Variants in GRIP1 observed in about 807,000 individuals in gnomAD.
The protein encoded by GRIP1 is glutamate receptor interacting protein 1.
Under a neutral mutation model 129.9 loss-of-function variants are expected in GRIP1, and 45 were observed. The observed-to-expected ratio is 0.35, with a 90% CI of 0.27 to 0.44. The LOEUF is 0.44. Ranked by LOEUF, GRIP1 falls within the 20% of genes least tolerant of loss-of-function variation. The pLI is 1.00. For synonymous variants in GRIP1, 530 were observed against 520.8 expected (o/e 1.02, Z -0.24); for missense variants, 1,196 against 1,396.8 (o/e 0.86, Z 2.29).
At chr12:66,598,307 G>A (rs1457003596) in intron 1 of GRIP1, among the ~76,000 whole-genome samples, 1 of 152,166 alleles carries the variant, frequency 6.6e-6, no homozygotes, top group African/African-American at 2.4e-5. Context: ...TAACACTGCT[G>A]TAAGTGGCAA....
intron 1 of GRIP1, among the ~76,000 whole-genome samples, chr12:66,817,233 CACACACACACAT>C (rs1223176222): frequency 2.5e-4 from 37 of 146,820 alleles, no homozygotes; most frequent in African/African-American, 8.1e-4. Context: ...CACACACACA[CACACACACACAT>C]ATATATTTCC....
chr12:66,550,758 A>G (rs1341841438), intron 2 of GRIP1, among the ~76,000 whole-genome samples: 6 of 152,214 alleles, frequency 3.9e-5, no homozygotes, highest in African/African-American at 1.4e-4. Flanking sequence ...ATTCCTACAC[A>G]ATCATCTGAT....
chr12:66,799,119 T>C (rs917571112), intron 1 of GRIP1, among the ~76,000 whole-genome samples: 22 of 152,152 alleles, frequency 1.4e-4, no homozygotes, highest in Admixed American at 1.4e-3. Flanking sequence ...TCTAAAAATA[T>C]ACTCAGGTTG....
intron 1 of GRIP1, among the ~76,000 whole-genome samples, chr12:66,715,471 T>TGTGTGTGTGTGTGTGTGAGAGAGAGA (rs761155485): frequency 3.6e-5 from 4 of 110,138 alleles, no homozygotes; most frequent in African/African-American, 1.4e-4. Flanking sequence ...TGTGTGTGTG[T>TGTGTGTGTGTGTGTGTGAGAGAGAGA]GAGAGAGAGA....
intron 2 of GRIP1, among the ~76,000 whole-genome samples, chr12:66,545,688 A>G (rs1403277350): frequency 1.3e-5 from 2 of 152,222 alleles, no homozygotes; most frequent in African/African-American, 2.4e-5. Context: ...GAGATACAAC[A>G]CTGAACAAAA....
At chr12:66,871,729 T>C (rs529183711) in intron 1 of GRIP1, among the ~76,000 whole-genome samples, 28 of 152,228 alleles carry the variant, frequency 1.8e-4, no homozygotes, top group African/African-American at 6.7e-4. Context: ...ATTTATTTCA[T>C]CTCTTCTGAT....
At chr12:66,758,383 C>G (rs892649739) in intron 1 of GRIP1, among the ~76,000 whole-genome samples, 31 of 151,610 alleles carry the variant, frequency 2.0e-4, no homozygotes, top group Admixed American at 1.1e-3. Flanking sequence ...TCAATTACCC[C>G]CACCCCCGGT....
At chr12:66,483,587 T>C (rs2059867271) in intron 7 of GRIP1, among the ~76,000 whole-genome samples, 1 of 152,212 alleles carries the variant, frequency 6.6e-6, no homozygotes, top group Admixed American at 6.5e-5. Flanking sequence ...ACCCTGGTAA[T>C]TGCATTAATT....
At chr12:66,503,309 T>C (rs2060440963) in intron 7 of GRIP1, among the ~76,000 whole-genome samples, 1 of 152,042 alleles carries the variant, frequency 6.6e-6, no homozygotes, top group African/African-American at 2.4e-5. Context: ...AACCTTCAGA[T>C]GGGCATGCAT....
chr12:66,928,284 G>C (rs1283906964), intron 1 of GRIP1, among the ~76,000 whole-genome samples: 2 of 152,192 alleles, frequency 1.3e-5, no homozygotes, highest in African/African-American at 4.8e-5. Flanking sequence ...ATCAGAAGGA[G>C]AGCATATATC....
rs1472749149 is a variant in GRIP1, at chr12:66,790,353, A to AT, written c.-420+13699dup. Among the ~76,000 whole-genome samples, 10 of 152,290 alleles carry AT rather than the reference A, an allele frequency of 6.6e-5. No homozygotes were observed. In the East Asian group the frequency reaches 1.7e-3, roughly 26 times the overall value. ...GGAACAGAATACTTTACCTCAAAAA[A>AT]TTTTAGCCTTGAGGCATCGTAAACT... On this transcript the variant is annotated intron_variant, in intron 1 of 4. Transcript: ENST00000538373.
chr12:66,374,989 A>G (rs888499811), intron 22 of GRIP1, among the ~76,000 whole-genome samples: 5 of 152,288 alleles, frequency 3.3e-5, no homozygotes, highest in Non-Finnish European at 7.4e-5. Flanking sequence ...TTCATTTGCC[A>G]TAATTCATGA....
intron 1 of GRIP1, among the ~76,000 whole-genome samples, chr12:67,007,484 C>G (rs185006037): frequency 6.6e-6 from 1 of 151,798 alleles, no homozygotes; most frequent in East Asian, 1.9e-4. Context: ...CTCATCCCCC[C>G]CAAAAAACAA....
At chr12:66,633,984 G>GT (rs970091209) in intron 1 of GRIP1, among the ~76,000 whole-genome samples, 2 of 152,184 alleles carry the variant, frequency 1.3e-5, no homozygotes, top group Non-Finnish European at 2.9e-5. Context: ...CTTTCCTTCA[G>GT]TTTTTCAGAG....
intron 1 of GRIP1, among the ~76,000 whole-genome samples, chr12:66,733,288 C>A (rs181595808): frequency 2.0e-5 from 3 of 152,202 alleles, no homozygotes; most frequent in African/African-American, 7.2e-5. Flanking sequence ...CATCCCTTTT[C>A]TTTTTTTCTA....
intron 2 of GRIP1, among the ~76,000 whole-genome samples, chr12:66,591,844 G>T (rs2063857919): frequency 6.6e-6 from 1 of 152,054 alleles, no homozygotes; most frequent in Non-Finnish European, 1.5e-5. Flanking sequence ...TGCCCAGGCT[G>T]TAACTCCCAA....
intron 7 of GRIP1, among the ~76,000 whole-genome samples, chr12:66,498,083 C>A (rs937615761): frequency 6.6e-6 from 1 of 152,186 alleles, no homozygotes; most frequent in Non-Finnish European, 1.5e-5. Context: ...CATTTACCTA[C>A]CCAAATCCTA....
At chr12:66,841,073 T>C (rs1198755356) in intron 1 of GRIP1, among the ~76,000 whole-genome samples, 2 of 152,204 alleles carry the variant, frequency 1.3e-5, no homozygotes, top group Non-Finnish European at 2.9e-5. Context: ...TTTTCTGAAA[T>C]TCAAATTTAA....
intron 1 of GRIP1, among the ~76,000 whole-genome samples, chr12:66,624,277 A>G (rs1291482701): frequency 6.6e-6 from 1 of 152,204 alleles, no homozygotes; most frequent in Admixed American, 6.5e-5. Flanking sequence ...GATCAGCACC[A>G]TTAATTTGGT....
Sources: allele counts gnomAD v4.1 joint callset (sites outside exome capture counted in the v4.1 genomes callset), GRCh38; gene constraint gnomAD v4.1.1; transcripts MANE v1.5; gene names NCBI Gene and HGNC (gene_info 2026-07-23, HGNC 2026-07-21).